Variants in N4BP2L2 observed in about 807,000 individuals in gnomAD.
N4BP2L2 encodes the protein NEDD4 binding protein 2 like 2.
N4BP2L2 carries 50 observed loss-of-function variants against 56.2 expected under a neutral mutation model. That is an observed-to-expected ratio of 0.89 (90% confidence interval 0.71 to 1.13). N4BP2L2 has a LOEUF of 1.13. N4BP2L2 is among the 50% of genes most tolerant of loss of function. The pLI, the probability that N4BP2L2 is intolerant of heterozygous loss-of-function variation, is 0.00. For missense variants in N4BP2L2, 689 were observed against 693.8 expected, an observed-to-expected ratio of 0.99 and a Z score of 0.08; for synonymous variants, 203 against 223.6, an observed-to-expected ratio of 0.91 and a Z score of 0.82.
At chr13:32,517,557 A>G in exon 6 of N4BP2L2, 4 of 1,249,780 alleles carry the variant, frequency 3.2e-6, no homozygotes, top group Non-Finnish European at 3.0e-6. Context: ...CCACCACTCT[A>G]TTACTCAGGT....
rs779460547 is a variant in N4BP2L2 at position 32,517,796 on chromosome 13, G to C, written c.*6C>G. 5.0e-6 allele frequency: 8 copies of C among 1,611,914 alleles called. No homozygotes were observed. In the Admixed American group the frequency reaches 1.2e-4, roughly 24 times the overall value. On this transcript the variant is annotated 3_prime_UTR_variant, in exon 6 of 6. Coordinates refer to ENST00000267068, the Ensembl canonical transcript of N4BP2L2. ...ACAACAAATGTGTTAGCTGAAAATAGCTAATTTAATGATTATTTGTGACAC... is the reference window on the plus strand; with the variant it reads ...ACAACAAATGTGTTAGCTGAAAATACCTAATTTAATGATTATTTGTGACAC...
intron 5 of N4BP2L2, among the ~76,000 whole-genome samples, chr13:32,519,356 C>A (rs552522176): frequency 6.6e-6 from 1 of 152,112 alleles, no homozygotes; most frequent in South Asian, 2.1e-4. Flanking sequence ...TTGCAGTGAG[C>A]CAAGATCGTC....
At chr13:32,465,512 C>A (rs2081067117) in intron 6 of N4BP2L2, among the ~76,000 whole-genome samples, 1 of 151,648 alleles carries the variant, frequency 6.6e-6, no homozygotes, top group South Asian at 2.1e-4. Context: ...TAGCCTTTCT[C>A]AATACACACA....
intron 2 of N4BP2L2, among the ~76,000 whole-genome samples, chr13:32,535,239 C>A (rs1458977339): frequency 2.6e-5 from 4 of 152,176 alleles, no homozygotes; most frequent in Non-Finnish European, 5.9e-5. Flanking sequence ...TTCTCTTTTT[C>A]TCACCTCCAA....
intron 6 of N4BP2L2, among the ~76,000 whole-genome samples, chr13:32,492,860 C>A (rs1450295010): frequency 6.7e-6 from 1 of 148,608 alleles, no homozygotes; most frequent in East Asian, 2.0e-4. Flanking sequence ...TAAAGCTCAT[C>A]ATTTATACAG....
chr13:32,477,763 G>C, intron 6 of N4BP2L2: 1 of 751,458 alleles, frequency 1.3e-6, no homozygotes, highest in Non-Finnish European at 1.9e-6. Context: ...TAAAAGCTCT[G>C]TTCCAATTGG....
chr13:32,477,199 TG>T, intron 6 of N4BP2L2: 1 of 460,692 alleles, frequency 2.2e-6, no homozygotes, highest in Non-Finnish European at 4.1e-6. Flanking sequence ...AGTCAGAAGG[TG>T]GAGGAGAGGA....
chr13:32,442,173 C>T lies in N4BP2L2; in HGVS notation c.2104+215G>A, dbSNP rs539282920. On this transcript the variant is annotated intron_variant, in intron 7 of 9. Transcript: ENST00000357505. Reference sequence around the variant, plus strand: ...TGAGAGCCCAAGTATTCTAAGTTCTCAAAGACATTGAAAGAGACATGAAGA... The same window carrying T: ...TGAGAGCCCAAGTATTCTAAGTTCTTAAAGACATTGAAAGAGACATGAAGA... Among the ~76,000 whole-genome samples the T allele has an allele frequency of 3.3e-4, 51 of 152,276 alleles. No homozygotes were observed. The South Asian group carries it at 9.9e-3, about 30-fold the overall frequency.
At chr13:32,454,914 C>G (rs1460263305) in intron 6 of N4BP2L2, among the ~76,000 whole-genome samples, 1 of 152,150 alleles carries the variant, frequency 6.6e-6, no homozygotes, top group Non-Finnish European at 1.5e-5. Flanking sequence ...AGGTGGGAGC[C>G]CAGAGAAGCT....
intron 6 of N4BP2L2, among the ~76,000 whole-genome samples, chr13:32,500,858 GTCTTT>G (rs757644160): frequency 6.9e-4 from 101 of 145,360 alleles, no homozygotes; most frequent in Non-Finnish European, 1.3e-3. Flanking sequence ...TGTCACTTTA[GTCTTT>G]TCTTTTTTTT....
intron 6 of N4BP2L2, among the ~76,000 whole-genome samples, chr13:32,502,061 ATTT>A (rs368621196): frequency 1.8e-4 from 23 of 125,396 alleles, no homozygotes; most frequent in African/African-American, 6.0e-4. Context: ...CTACTACAGC[ATTT>A]TTTTTTTTTT....
At chr13:32,445,320 A>G (rs1487642093) in intron 6 of N4BP2L2, among the ~76,000 whole-genome samples, 1 of 152,254 alleles carries the variant, frequency 6.6e-6, no homozygotes, top group Non-Finnish European at 1.5e-5. Context: ...AACATATGGT[A>G]TTATAATCTC....
intron 6 of N4BP2L2, among the ~76,000 whole-genome samples, chr13:32,445,064 C>T (rs1357838121): frequency 2.6e-5 from 4 of 152,158 alleles, no homozygotes; most frequent in Non-Finnish European, 4.4e-5. Flanking sequence ...ACCTGGCCAA[C>T]GTGGCGAAAC....
chr13:32,483,990 GAAAAAAAAA>G (rs11424749), intron 6 of N4BP2L2, among the ~76,000 whole-genome samples: 1 of 118,814 alleles, frequency 8.4e-6, no homozygotes, highest in Non-Finnish European at 1.8e-5. Context: ...ATCTAAAAAA[GAAAAAAAAA>G]AAAAAAGAAA....
At chr13:32,442,447 A>G (rs1371994902) in exon 7 of N4BP2L2, 1 of 1,612,076 alleles carries the variant, frequency 6.2e-7, no homozygotes. Flanking sequence ...CCCTTGTGAT[A>G]ATGGTAGCTC....
intron 6 of N4BP2L2, among the ~76,000 whole-genome samples, chr13:32,498,846 A>G (rs1593883765): frequency 6.6e-6 from 1 of 151,124 alleles, no homozygotes; most frequent in East Asian, 2.0e-4. Context: ...CTACAAAAAA[A>G]TTGGCTGGGC....
At chr13:32,479,657 T>A (rs1392324923) in intron 6 of N4BP2L2, among the ~76,000 whole-genome samples, 2 of 149,044 alleles carry the variant, frequency 1.3e-5, no homozygotes, top group African/African-American at 2.5e-5. Context: ...TGTATAAATA[T>A]GAAAAAATAT....
chr13:32,536,751 CA>C lies in N4BP2L2; in HGVS notation c.276del (p.Asp92GlufsTer18). The C allele has an allele frequency of 6.2e-7, 1 of 1,614,152 alleles. No homozygotes were observed. Among genetic ancestry groups the C allele is most frequent in the East Asian group, 2.2e-5 (1 of 44,870 alleles). ...ACCTGTGAATCAATGGATTCAATAA[CA>C]TCTGGTCTATTACCAGGCATCTCAT... On this transcript the variant is annotated frameshift_variant, in exon 2 of 6. Coordinates refer to ENST00000267068, the Ensembl canonical transcript of N4BP2L2. LOFTEE classifies it high-confidence loss of function.
intron 6 of N4BP2L2, among the ~76,000 whole-genome samples, chr13:32,460,324 G>T (rs562418706): frequency 6.6e-6 from 1 of 152,214 alleles, no homozygotes; most frequent in South Asian, 2.1e-4. Context: ...TCAAGAGAAA[G>T]AAATAAAAAG....
Sources: allele counts gnomAD v4.1 joint callset (sites outside exome capture counted in the v4.1 genomes callset), GRCh38; gene constraint gnomAD v4.1.1; transcripts MANE v1.5; gene names NCBI Gene and HGNC (gene_info 2026-07-23, HGNC 2026-07-21).